The following PLXNC1 variants were observed in gnomAD, a reference collection of about 807,000 sequenced individuals.
PLXNC1 encodes plexin C1, also known as plexin-C1.
Under a neutral mutation model 178.2 loss-of-function variants are expected in PLXNC1, and 75 were observed. The ratio of observed to expected loss-of-function variants is 0.42; its 90% CI spans 0.35 to 0.51. PLXNC1 has a LOEUF of 0.51. PLXNC1 is among the 20% of genes least tolerant of loss of function. PLXNC1 has a pLI of 0.02. For synonymous variants in PLXNC1, 790 were observed against 779.9 expected (o/e 1.01, Z -0.22); for missense variants, 1,503 against 1,984.4 (o/e 0.76, Z 4.61).
intron 1 of PLXNC1, among the ~76,000 whole-genome samples, chr12:94,152,197 T>C (rs1425433575): frequency 6.6e-6 from 1 of 152,212 alleles, no homozygotes. Context: ...CATTTTTTTT[T>C]CATTTAAGTA....
intron 4 of PLXNC1, among the ~76,000 whole-genome samples, chr12:94,198,339 A>G (rs1465607638): frequency 6.6e-6 from 1 of 152,186 alleles, no homozygotes; most frequent in Non-Finnish European, 1.5e-5. Context: ...CAATGAGAAC[A>G]CATGGACACA....
At chr12:94,283,660 T>C (rs1343807486) in intron 23 of PLXNC1, among the ~76,000 whole-genome samples, 1 of 152,124 alleles carries the variant, frequency 6.6e-6, no homozygotes, top group Non-Finnish European at 1.5e-5. Context: ...GGAGTGCTGA[T>C]TGGTCAGGTC....
chr12:94,181,350 T>G (rs1306470111), intron 2 of PLXNC1, 96 bp from the exon 3 acceptor site: 1 of 790,810 alleles, frequency 1.3e-6, no homozygotes, highest in Non-Finnish European at 2.0e-6. Context: ...ATCATGCCAA[T>G]GCATTCCAGC....
intron 7 of PLXNC1, among the ~76,000 whole-genome samples, chr12:94,224,912 G>A (rs565637357): frequency 6.6e-6 from 1 of 152,266 alleles, no homozygotes; most frequent in East Asian, 1.9e-4. Context: ...TCAACAAAAA[G>A]AAGGAGCGCT....
Position 94,149,541 on chromosome 12 carries a change from G to C in PLXNC1, c.570G>C (p.Thr190=), listed in dbSNP as rs2135910186. The C allele has an allele frequency of 3.9e-6, 6 of 1,544,648 alleles. No homozygotes were observed. The highest frequency in any genetic ancestry group is 2.4e-5 in the East Asian group (1 of 41,136). ...CCTACGTGCTGCCTGAGCCGGAGAC[G>C]GCGAGCCGCTGCAACCCCGCGGCAT... ...AATYVLPEPE[T]ASRCNPAASD... The change falls in exon 1 of 31, where the codon ACG becomes ACC. Residue 190 remains threonine (T), a synonymous_variant. Transcript: ENST00000258526.
chr12:94,187,705 A>G lies in PLXNC1; in HGVS notation c.1439+1232A>G, dbSNP rs183894182. On this transcript the variant is annotated intron_variant, in intron 4 of 30. Transcript: ENST00000258526. Reference sequence around the variant, plus strand: ...CCTGTCTGTATTTGTAGAGCTGTGTACAGGAGTCAATTCGATAATGGTGGC... The same window carrying G: ...CCTGTCTGTATTTGTAGAGCTGTGTGCAGGAGTCAATTCGATAATGGTGGC... Among the ~76,000 whole-genome samples the G allele has an allele frequency of 5.9e-5, 9 of 152,324 alleles. No homozygotes were observed. The East Asian group carries it at 1.7e-3, about 29-fold the overall frequency.
intron 1 of PLXNC1, chr12:94,168,412 A>C (rs1961709736): frequency 6.6e-6 from 1 of 152,228 alleles, no homozygotes. Context: ...GGGTTTAAAG[A>C]GGGGCTTTAT....
intron 15 of PLXNC1, among the ~76,000 whole-genome samples, chr12:94,253,626 C>T (rs1964761939): frequency 6.6e-6 from 1 of 151,900 alleles, no homozygotes; most frequent in Admixed American, 6.6e-5. Context: ...AGTGAAGAGC[C>T]ATATTTGTTT....
intron 15 of PLXNC1, among the ~76,000 whole-genome samples, chr12:94,251,800 T>C (rs1378389140): frequency 6.6e-6 from 1 of 152,222 alleles, no homozygotes; most frequent in Non-Finnish European, 1.5e-5. Context: ...AAGACCAGCC[T>C]GGCCAACATG....
At chr12:94,217,440 C>T (rs551928564) in intron 5 of PLXNC1, among the ~76,000 whole-genome samples, 1 of 152,336 alleles carries the variant, frequency 6.6e-6, no homozygotes, top group South Asian at 2.1e-4. Context: ...GTTCATGTCT[C>T]CTTTATCCCC....
chr12:94,202,566 A>AGAGGAAGTG (rs1259427199), intron 4 of PLXNC1, among the ~76,000 whole-genome samples: 1 of 152,236 alleles, frequency 6.6e-6, no homozygotes, highest in African/African-American at 2.4e-5. Context: ...CTGAGCAAAC[A>AGAGGAAGTG]TCATAGAGGA....
At chr12:94,241,987 A>AAAG (rs1285283147) in intron 11 of PLXNC1, among the ~76,000 whole-genome samples, 18 of 151,204 alleles carry the variant, frequency 1.2e-4, no homozygotes, top group East Asian at 9.6e-4. Context: ...TAAAAAAAAA[A>AAAG]AAGAAGAAGA....
At chr12:94,165,279 G>A (rs189495715) in intron 1 of PLXNC1, among the ~76,000 whole-genome samples, 1 of 152,322 alleles carries the variant, frequency 6.6e-6, no homozygotes, top group East Asian at 1.9e-4. Context: ...TTTCTCCGGA[G>A]CCTGTCTTTC....
At chr12:94,226,254 G>C (rs914860192) in intron 7 of PLXNC1, among the ~76,000 whole-genome samples, 2 of 152,210 alleles carry the variant, frequency 1.3e-5, no homozygotes, top group Non-Finnish European at 2.9e-5. Flanking sequence ...GGAAGGCAGA[G>C]TGGGTAGAGG....
chr12:94,301,232 A>G (rs1365532684), intron 28 of PLXNC1, among the ~76,000 whole-genome samples, 175 bp downstream of exon 28: 1 of 152,152 alleles, frequency 6.6e-6, no homozygotes, highest in East Asian at 1.9e-4. Context: ...TTTTTAATCT[A>G]ATTTTTTTAA....
chr12:94,203,460 A>G (rs1963202023), intron 4 of PLXNC1, among the ~76,000 whole-genome samples: 1 of 152,224 alleles, frequency 6.6e-6, no homozygotes, highest in Non-Finnish European at 1.5e-5. Flanking sequence ...ATCCAGGAAC[A>G]CAGTTTGAAA....
chr12:94,242,528 T>C (rs1964418963), intron 11 of PLXNC1, among the ~76,000 whole-genome samples: 1 of 151,996 alleles, frequency 6.6e-6, no homozygotes, highest in Admixed American at 6.6e-5. Context: ...CTTACCTCTT[T>C]AACCACCCAC....
rs1964278097 is a variant in PLXNC1, at chr12:94,237,664, G to A, written c.1981G>A (p.Val661Ile). The change falls in exon 10 of 31, where the codon GTC becomes ATC. Residue 661 changes from valine (V) to isoleucine (I), a missense_variant and splice_region_variant. Val to Ile is a conservative substitution (Grantham distance 29, BLOSUM62 3). Transcript: ENST00000258526. ...KGNRTNQALQ[V>I]FYIKSIEPQK... is the part of the protein sequence containing the mutation. ...TGTTTTAATCTTTTCTTTCCAATAG[G>A]TCTTCTACATTAAGTCCATTGAGCC... 1 of 1,612,298 alleles carries A rather than the reference G, an allele frequency of 6.2e-7. No individual in the cohort carries two copies. The highest frequency in any genetic ancestry group is 8.5e-7 in the Non-Finnish European group (1 of 1,179,126).
At chr12:94,201,150 G>A (rs1378260887) in intron 4 of PLXNC1, among the ~76,000 whole-genome samples, 6 of 152,214 alleles carry the variant, frequency 3.9e-5, no homozygotes. Flanking sequence ...AATACACTGT[G>A]TAAAATGCTC....
Sources: gnomAD v4.1 joint callset for allele counts (sites outside exome capture counted in the v4.1 genomes callset) on GRCh38, gnomAD v4.1.1 for gene constraint, MANE v1.5 for transcripts, NCBI Gene and HGNC (gene_info 2026-07-23, HGNC 2026-07-21) for gene names.